The following DDX10 variants were observed in gnomAD, a reference collection of about 807,000 sequenced individuals.
DDX10 encodes DEAD-box helicase 10, also known as probable ATP-dependent RNA helicase DDX10.
DDX10 carries 74 observed loss-of-function variants against 104.3 expected under a neutral mutation model. The ratio of observed to expected loss-of-function variants is 0.71; its 90% CI spans 0.59 to 0.86. DDX10 has a LOEUF of 0.86. Ranked by LOEUF, DDX10 falls within the 40% of genes least tolerant of loss-of-function variation. The pLI is 0.00. For synonymous variants in DDX10, 351 were observed against 353.4 expected (o/e 0.99, Z 0.08); for missense variants, 952 against 1,040.0 (o/e 0.92, Z 1.16).
At chr11:108,706,204 T>G (rs1444353024) in intron 9 of DDX10, among the ~76,000 whole-genome samples, 1 of 152,074 alleles carries the variant, frequency 6.6e-6, no homozygotes, top group African/African-American at 2.4e-5. Context: ...ACTCCTGACC[T>G]CGGGTTATTC....
At chr11:108,870,220 A>G (rs2726916) in intron 16 of DDX10, among the ~76,000 whole-genome samples, 115,025 of 152,122 alleles carry the variant, frequency 0.76, 43,844 homozygotes, top group Admixed American at 0.8. Flanking sequence ...CCAAGTCACC[A>G]TAATCTGTAA....
intron 9 of DDX10, among the ~76,000 whole-genome samples, chr11:108,697,823 T>C (rs994234318): frequency 2.6e-5 from 4 of 152,126 alleles, no homozygotes; most frequent in African/African-American, 7.3e-5. Flanking sequence ...TAGAAAATAT[T>C]TGGGAATGGA....
intron 13 of DDX10, among the ~76,000 whole-genome samples, chr11:108,784,221 A>G (rs1366346851): frequency 1.3e-5 from 2 of 152,208 alleles, no homozygotes; most frequent in Non-Finnish European, 2.9e-5. Flanking sequence ...TCTTTGAGAT[A>G]TCTCCAAACT....
chr11:108,712,672 A>G (rs894492820), intron 10 of DDX10, among the ~76,000 whole-genome samples: 2 of 152,154 alleles, frequency 1.3e-5, no homozygotes, highest in Non-Finnish European at 2.9e-5. Flanking sequence ...ATACATAAAC[A>G]TACATAATTA....
chr11:108,920,165 A>G (rs1430971212), intron 17 of DDX10: 1 of 152,216 alleles, frequency 6.6e-6, no homozygotes, highest in Admixed American at 6.5e-5. Context: ...ATGACAGAAT[A>G]TAGATGGAGA....
chr11:108,841,962 C>T lies in DDX10; in HGVS notation c.2247+486C>T, dbSNP rs544981934. 2.0e-4 allele frequency among the ~76,000 whole-genome samples: 30 copies of T among 152,248 alleles called. 1 individual carries two copies. In the South Asian group the frequency reaches 5.2e-3, roughly 26 times the overall value. ...CTTTTATTACTAAGTAATGTCCCAT[C>T]GTATGGATGTACTGAGGTTTGTTTC... On this transcript the variant is annotated intron_variant, in intron 15 of 17. Transcript: ENST00000322536.
chr11:108,707,520 A>AT (rs554977655), intron 10 of DDX10, among the ~76,000 whole-genome samples: 2 of 152,056 alleles, frequency 1.3e-5, no homozygotes, highest in East Asian at 3.9e-4. Flanking sequence ...ACTGAAGGAG[A>AT]TTTTTTTGTT....
intron 13 of DDX10, among the ~76,000 whole-genome samples, chr11:108,817,082 A>G (rs899212398): frequency 6.6e-5 from 10 of 152,224 alleles, no homozygotes; most frequent in African/African-American, 1.9e-4. Flanking sequence ...GTTTGTATCA[A>G]TTAGCCTATG....
At chr11:108,760,675 G>GTTT (rs201234836) in intron 13 of DDX10, among the ~76,000 whole-genome samples, 2 of 129,692 alleles carry the variant, frequency 1.5e-5, no homozygotes, top group Non-Finnish European at 1.7e-5. Flanking sequence ...ACATAACACT[G>GTTT]TTTTTTTTTT....
In DDX10 at chr11:108,678,411, C is replaced by A; in HGVS notation, c.634C>A (p.His212Asn). Residue 212 changes from histidine to asparagine, a missense_variant, in exon 5 of 18, where the codon CAT becomes AAT. By Grantham distance (68) the His-to-Asn change is moderately conservative. Transcript: ENST00000322536. ...ACACATGGATGAAACAGTATCTTTT[C>A]ATGCTACCGACCTCCAAATGTTAGG... ...LQHMDETVSF[H>N]ATDLQMLVLD... 1 of 1,609,290 alleles carries A rather than the reference C, an allele frequency of 6.2e-7. No homozygotes were observed. Among genetic ancestry groups the A allele is most frequent in the South Asian group, 1.1e-5 (1 of 89,738 alleles).
At chr11:108,926,733 T>C (rs1006882927) in intron 17 of DDX10, among the ~76,000 whole-genome samples, 2 of 152,194 alleles carry the variant, frequency 1.3e-5, no homozygotes, top group African/African-American at 2.4e-5. Context: ...ATTAGGACTG[T>C]TGCATGGCCT....
At chr11:108,809,429 C>A (rs1437701579) in intron 13 of DDX10, among the ~76,000 whole-genome samples, 1 of 152,148 alleles carries the variant, frequency 6.6e-6, no homozygotes, top group African/African-American at 2.4e-5. Flanking sequence ...AAACAGAGAA[C>A]AAGCTGCTCT....
At chr11:108,739,066 C>G (rs1038654078) in intron 13 of DDX10, among the ~76,000 whole-genome samples, 2 of 151,976 alleles carry the variant, frequency 1.3e-5, no homozygotes, top group Non-Finnish European at 2.9e-5. Flanking sequence ...AACAACTCTG[C>G]CCCCCCAGGG....
At chr11:108,859,465 G>A (rs1167586094) in intron 16 of DDX10, among the ~76,000 whole-genome samples, 2 of 151,922 alleles carry the variant, frequency 1.3e-5, no homozygotes, top group Non-Finnish European at 2.9e-5. Flanking sequence ...AAAGGGCTGT[G>A]TGTGTACATA....
chr11:108,853,549 T>C lies in DDX10; in HGVS notation c.2304+1340T>C, dbSNP rs1315145829. 2.0e-5 allele frequency among the ~76,000 whole-genome samples: 3 copies of C among 152,294 alleles called. No homozygotes were observed. In the East Asian group the frequency reaches 5.8e-4, roughly 29 times the overall value. ...ATGGTGTATGCTCGATTTTTTTTTT[T>C]CATAATGGTTTAAGCTGTAAGAAGT... On this transcript the variant is annotated intron_variant, in intron 16 of 17. Coordinates refer to ENST00000322536, the MANE Select transcript of DDX10 (RefSeq NM_004398.4).
chr11:108,801,337 C>T (rs1032557021), intron 13 of DDX10, among the ~76,000 whole-genome samples: 3 of 152,166 alleles, frequency 2.0e-5, no homozygotes, highest in Non-Finnish European at 2.9e-5. Flanking sequence ...ATTCTGTTGG[C>T]TTGTCTTTCT....
chr11:108,805,218 G>A (rs1042963474), intron 13 of DDX10, among the ~76,000 whole-genome samples: 2 of 152,228 alleles, frequency 1.3e-5, no homozygotes, highest in South Asian at 4.1e-4. Flanking sequence ...ATTTCGACTG[G>A]ACTGTGTACA....
At chr11:108,806,025 G>A (rs965857912) in intron 13 of DDX10, among the ~76,000 whole-genome samples, 4 of 152,034 alleles carry the variant, frequency 2.6e-5, no homozygotes, top group Non-Finnish European at 5.9e-5. Flanking sequence ...GCAATGGCAT[G>A]ATCTCGGCTC....
chr11:108,894,085 A>G (rs2553749), intron 16 of DDX10, among the ~76,000 whole-genome samples: 123,819 of 151,982 alleles, frequency 0.81, 50,675 homozygotes, highest in South Asian at 0.88. Flanking sequence ...CACTGCACAA[A>G]TGAATTTTAT....
Sources: gnomAD v4.1 joint callset for allele counts (sites outside exome capture counted in the v4.1 genomes callset) on GRCh38, gnomAD v4.1.1 for gene constraint, MANE v1.5 for transcripts, NCBI Gene and HGNC (gene_info 2026-07-23, HGNC 2026-07-21) for gene names.